Variants in FSCN2 observed in about 807,000 individuals in gnomAD.
FSCN2 encodes the protein fascin actin-bundling protein 2, retinal.
In FSCN2, 46 loss-of-function variants were observed where a neutral mutation model predicts 37.8. The observed-to-expected ratio is 1.22, with a 90% CI of 0.96 to 1.56. The LOEUF (loss-of-function observed/expected upper bound fraction) is 1.56. Ranked by LOEUF, FSCN2 falls within the 40% of genes most tolerant of loss-of-function variation. FSCN2 has a pLI of 0.00. For missense variants in FSCN2, 844 were observed against 730.4 expected (o/e 1.16, Z -1.79); for synonymous variants, 351 against 309.4 (o/e 1.13, Z -1.41).
At chr17:81,532,883 C>A (rs949143462) in intron 1 of FSCN2, among the ~76,000 whole-genome samples, 11 of 152,238 alleles carry the variant, frequency 7.2e-5, no homozygotes, top group Middle Eastern at 3.4e-3. Flanking sequence ...AGGGGAGAAT[C>A]CCCTACTCAA....
chr17:81,532,056 ATGG>A (rs2032667197), intron 1 of FSCN2, among the ~76,000 whole-genome samples: 1 of 113,236 alleles, frequency 8.8e-6, no homozygotes, highest in African/African-American at 3.3e-5. Context: ...GATGATGGTG[ATGG>A]TGATGATAGT....
At position 81,529,251 on chromosome 17, in the gene FSCN2, C is replaced by T. The variant is rs575901696; in HGVS notation, c.720C>T (p.Ala240=). Residue 240 remains alanine (A), a synonymous_variant, in exon 1 of 5, where the codon GCC becomes GCT. Coordinates refer to ENST00000417245, the MANE Select transcript of FSCN2 (RefSeq NM_012418.4). The stretch of plus-strand genomic sequence containing the variant: ...TGGGGCCCGCAGGCACCCTCAAGGC[C>T]GGCCGAAACACGCGACCTGGCAAGG... ...APVGPAGTLK[A]GRNTRPGKDE... 9.5e-5 allele frequency: 151 copies of T among 1,597,236 alleles called. 1 individual carries two copies. The highest frequency in any genetic ancestry group is 4.1e-4 in the East Asian group (18 of 44,358).
chr17:81,535,074 G>A lies in FSCN2; in HGVS notation c.849G>A (p.Gln283=). 6.5e-7 allele frequency: 1 copy of A among 1,532,910 alleles called. No homozygotes were observed. The highest frequency in any genetic ancestry group is 8.7e-7 in the Non-Finnish European group (1 of 1,144,896). 95.0% of individuals were successfully genotyped at this position (1,532,910 alleles called of 1,614,324 possible). A position where few individuals can be genotyped will look rare whatever the true frequency, so the allele number is the denominator to read the frequency against. The stretch of plus-strand genomic sequence containing the variant: ...CAGGGGTCAACGTCTCAGCCAATCA[G>A]GATGATGAACTAGACCACGAGACCT... ...VRQGVNVSAN[Q]DDELDHETFL... The change falls in exon 2 of 5, where the codon CAG becomes CAA. Residue 283 remains glutamine, a synonymous_variant. Coordinates refer to ENST00000417245, the MANE Select transcript of FSCN2 (RefSeq NM_012418.4).
intron 2 of FSCN2, 52 bp from the exon 3 acceptor site, chr17:81,536,094 C>T (rs1319545734): frequency 1.3e-6 from 2 of 1,583,076 alleles, no homozygotes; most frequent in East Asian, 2.3e-5. Context: ...AAGTGAGACC[C>T]TGCACCCCCA....
chr17:81,522,057 A>G, the FSCN2 span, among the ~76,000 whole-genome samples: 1 of 151,956 alleles, frequency 6.6e-6, no homozygotes, highest in Non-Finnish European at 1.5e-5. Flanking sequence ...CCCAGGCTGG[A>G]GTAGAGTGGC....
intron 1 of FSCN2, among the ~76,000 whole-genome samples, chr17:81,530,409 C>T (rs572899734): frequency 2.6e-5 from 4 of 152,230 alleles, no homozygotes; most frequent in Non-Finnish European, 5.9e-5. Context: ...ATGGGGTGAA[C>T]CCCAGCAGTT....
At chr17:81,532,173 GTGGTGATGGTGGTGGTGA>G (rs1568078798) in intron 1 of FSCN2, among the ~76,000 whole-genome samples, 6 of 96,792 alleles carry the variant, frequency 6.2e-5, no homozygotes, top group South Asian at 3.7e-4. Context: ...GGTGATGGTG[GTGGTGATGGTGGTGGTGA>G]TGGTGGTGGT....
upstream of FSCN2, among the ~76,000 whole-genome samples, chr17:81,523,404 TG>T (rs2032261776): frequency 6.6e-6 from 1 of 152,186 alleles, no homozygotes; most frequent in Non-Finnish European, 1.5e-5. Context: ...CCCGTGTAAG[TG>T]GAACTGCAGC....
chr17:81,526,670 A>G (rs1320787345), upstream of FSCN2, among the ~76,000 whole-genome samples: 1 of 152,246 alleles, frequency 6.6e-6, no homozygotes, highest in Admixed American at 6.5e-5. Context: ...AGTGAGGTGC[A>G]GGCAGCACCC....
intron 1 of FSCN2, chr17:81,530,555 C>T (rs1384092502): frequency 6.0e-6 from 3 of 501,532 alleles, no homozygotes; most frequent in Non-Finnish European, 7.9e-6. Flanking sequence ...GAGCCGGGTG[C>T]ATGGAGCTCC....
At chr17:81,530,665 C>G (rs74002407) in intron 1 of FSCN2, 3 of 500,486 alleles carry the variant, frequency 6.0e-6, no homozygotes, top group Non-Finnish European at 1.2e-5. Context: ...CCCACCCTGA[C>G]GGATGTCCAG....
chr17:81,522,814 C>G, the FSCN2 span, among the ~76,000 whole-genome samples: 45,428 of 152,112 alleles, frequency 0.3, 7,686 homozygotes, highest in Non-Finnish European at 0.39. Context: ...GAAAGTTGAT[C>G]TGTTCGTCAC....
chr17:81,518,969 A>C, the FSCN2 span: 3 of 152,104 alleles, frequency 2.0e-5, no homozygotes, highest in Non-Finnish European at 4.4e-5. Flanking sequence ...AGTCTTAGCC[A>C]CGCCATCCTT....
Position 81,536,728 on chromosome 17 carries a change from C to T in FSCN2, c.1212C>T (p.Thr404=), listed in dbSNP as rs1272849644. ...CHHRGSNQLD[T]NRSVYDVFHL... is the part of the protein sequence containing the mutation. ...ACCGCGGCTCCAACCAGCTGGACACCAACCGCTCCGTCTACGACGTCTTCC... is the reference window on the plus strand; with the variant it reads ...ACCGCGGCTCCAACCAGCTGGACACTAACCGCTCCGTCTACGACGTCTTCC... Residue 404 remains threonine, a synonymous_variant, in exon 4 of 5, where the codon ACC becomes ACT. Coordinates refer to ENST00000417245, the MANE Select transcript of FSCN2 (RefSeq NM_012418.4). 4 of 1,611,244 alleles carry T rather than the reference C, an allele frequency of 2.5e-6. No homozygotes were observed. The highest frequency in any genetic ancestry group is 8.5e-7 in the Non-Finnish European group (1 of 1,179,398).
chr17:81,520,927 C>T, the FSCN2 span, among the ~76,000 whole-genome samples: 13 of 152,038 alleles, frequency 8.6e-5, no homozygotes, highest in African/African-American at 2.9e-4. Flanking sequence ...GGCATTATAC[C>T]TTCTGGATTT....
the FSCN2 span, among the ~76,000 whole-genome samples, chr17:81,521,182 C>T: frequency 2.0e-5 from 3 of 152,160 alleles, no homozygotes; most frequent in Non-Finnish European, 4.4e-5. Context: ...ATTCTCCTGC[C>T]TCAGCCTCCC....
At chr17:81,536,331 C>T (rs761706383) in intron 3 of FSCN2, 64 bp downstream of exon 3, 316 of 1,539,666 alleles carry the variant, frequency 2.1e-4, no homozygotes, top group Non-Finnish European at 2.6e-4. Context: ...AGGACCTGCC[C>T]AGACACCCCA....
the FSCN2 span, among the ~76,000 whole-genome samples, chr17:81,516,979 G>A: frequency 6.6e-6 from 1 of 152,178 alleles, no homozygotes; most frequent in Non-Finnish European, 1.5e-5. Flanking sequence ...AGACTGTGGA[G>A]TTTTCACAGG....
intron 2 of FSCN2, among the ~76,000 whole-genome samples, chr17:81,535,551 TCCATCACCACCATCC>T (rs2032834481): frequency 4.5e-5 from 4 of 88,922 alleles, no homozygotes; most frequent in Non-Finnish European, 8.9e-5. Flanking sequence ...CATCCCCATC[TCCATCACCACCATCC>T]CCATCACCAT....
Sources: gnomAD v4.1 joint callset for allele counts (sites outside exome capture counted in the v4.1 genomes callset) on GRCh38, gnomAD v4.1.1 for gene constraint, MANE v1.5 for transcripts, NCBI Gene and HGNC (gene_info 2026-07-23, HGNC 2026-07-21) for gene names.